TMEM177: variants seen among roughly 807,000 people sequenced by gnomAD.
TMEM177 encodes transmembrane protein 177.
In TMEM177, 4 loss-of-function variants were observed where a neutral mutation model predicts 14.2. The ratio of observed to expected loss-of-function variants is 0.28; its 90% CI spans 0.14 to 0.64. TMEM177 has a LOEUF of 0.64. Among genes scored for constraint, TMEM177 ranks in the 30% least tolerant of loss-of-function variants. The pLI, the probability that TMEM177 is intolerant of heterozygous loss-of-function variation, is 0.82. For missense variants in TMEM177, 344 were observed against 405.2 expected (o/e 0.85, Z 1.30); for synonymous variants, 179 against 174.5 (o/e 1.03, Z -0.20).
chr2:119,713,750 C>T, the TMEM177 span, among the ~76,000 whole-genome samples: 2 of 152,194 alleles, frequency 1.3e-5, no homozygotes, highest in Non-Finnish European at 2.9e-5. Flanking sequence ...GAGAGGATCA[C>T]TTGAGCCCAG....
chr2:119,682,126 GT>G (rs34879718), downstream of TMEM177: 6,661 of 141,850 alleles, frequency 0.047, 228 homozygotes, highest in African/African-American at 0.13. Flanking sequence ...CTTCTTGGTC[GT>G]TTTTTTTTTT....
the TMEM177 span, among the ~76,000 whole-genome samples, chr2:119,697,405 A>AC: frequency 5.3e-5 from 8 of 152,172 alleles, no homozygotes; most frequent in Non-Finnish European, 7.3e-5. Flanking sequence ...TACTAAAAAT[A>AC]TAAAAATTAC....
chr2:119,711,851 G>A, the TMEM177 span, among the ~76,000 whole-genome samples: 12 of 152,120 alleles, frequency 7.9e-5, no homozygotes, highest in South Asian at 2.1e-4. Flanking sequence ...GTCCTGGGGT[G>A]GGAAAGGAGC....
At chr2:119,702,797 T>G in the TMEM177 span, among the ~76,000 whole-genome samples, 1 of 152,108 alleles carries the variant, frequency 6.6e-6, no homozygotes, top group East Asian at 1.9e-4. Flanking sequence ...GTTCTTGATA[T>G]GTATGCCGAT....
downstream of TMEM177, among the ~76,000 whole-genome samples, chr2:119,689,060 C>T (rs183900590): frequency 1.3e-5 from 2 of 152,202 alleles, no homozygotes; most frequent in Non-Finnish European, 1.5e-5. Flanking sequence ...CCATCCTCCC[C>T]ACTCCTCCAC....
the TMEM177 span, among the ~76,000 whole-genome samples, chr2:119,721,337 T>A: frequency 6.6e-6 from 1 of 152,212 alleles, no homozygotes; most frequent in Non-Finnish European, 1.5e-5. Flanking sequence ...ATGAACACAC[T>A]GATGCACTGG....
At chr2:119,703,680 A>G in the TMEM177 span, among the ~76,000 whole-genome samples, 1 of 151,524 alleles carries the variant, frequency 6.6e-6, no homozygotes, top group African/African-American at 2.4e-5. Flanking sequence ...GATCACCCCG[A>G]CTCCCTTCCC....
At chr2:119,708,229 A>T in the TMEM177 span, among the ~76,000 whole-genome samples, 1 of 152,168 alleles carries the variant, frequency 6.6e-6, no homozygotes, top group Non-Finnish European at 1.5e-5. Flanking sequence ...TACAAACCAT[A>T]CAAGAAATAC....
rs771251548 is a variant in TMEM177, at chr2:119,681,564, C to G, written c.711C>G (p.Ser237=). The G allele has an allele frequency of 1.2e-6, 2 of 1,614,198 alleles. No individual in the cohort carries two copies. Among genetic ancestry groups the G allele is most frequent in the Non-Finnish European group, 1.7e-6 (2 of 1,180,006 alleles). The stretch of plus-strand genomic sequence containing the variant: ...CCTGGCTGGACCGCCGCACGGCCTC[C>G]CTCTCTGCAGCCTATGCCTGTGGTG... ...VESWLDRRTA[S]LSAAYACGGV... is the part of the protein sequence containing the mutation. The change falls in exon 2 of 2, where the codon TCC becomes TCG. Residue 237 remains serine, a synonymous_variant. Transcript: ENST00000272521.
downstream of TMEM177, among the ~76,000 whole-genome samples, chr2:119,684,876 C>G (rs17661193): frequency 0.14 from 21,675 of 152,202 alleles, 1,596 homozygotes; most frequent in Middle Eastern, 0.19. Context: ...TATTGCGTCC[C>G]TACACACAGG....
the TMEM177 span, among the ~76,000 whole-genome samples, chr2:119,703,679 G>A: frequency 6.6e-6 from 1 of 152,138 alleles, no homozygotes; most frequent in East Asian, 1.9e-4. Flanking sequence ...GGATCACCCC[G>A]ACTCCCTTCC....
the TMEM177 span, chr2:119,698,689 T>G: frequency 6.2e-6 from 1 of 160,876 alleles, no homozygotes; most frequent in Non-Finnish European, 1.4e-5. Flanking sequence ...TTTCCATCTT[T>G]GTGTTCACTT....
At chr2:119,721,737 A>G in the TMEM177 span, among the ~76,000 whole-genome samples, 1 of 152,222 alleles carries the variant, frequency 6.6e-6, no homozygotes, top group African/African-American at 2.4e-5. Flanking sequence ...CAGAAGAGTC[A>G]GCCTCGTCCA....
Position 119,681,498 on chromosome 2 carries a change from C to T in TMEM177, c.645C>T (p.Ala215=). ...TGGCAGCAGTGGCAGGCTTTGTGGC[C>T]TACGCCTTCTCCCAGGATTCTCTCA... ...SLVAAVAGFV[A]YAFSQDSLTH... is the part of the protein sequence containing the mutation. Residue 215 remains alanine (A), a synonymous_variant, in exon 2 of 2, where the codon GCC becomes GCT. Transcript: ENST00000272521. The T allele has an allele frequency of 1.9e-6, 3 of 1,613,738 alleles. No individual in the cohort carries two copies. The highest frequency in any genetic ancestry group is 2.5e-6 in the Non-Finnish European group (3 of 1,180,050).
chr2:119,705,296 C>G, the TMEM177 span, among the ~76,000 whole-genome samples: 1 of 152,170 alleles, frequency 6.6e-6, no homozygotes, highest in Non-Finnish European at 1.5e-5. Context: ...CAGGGACTCA[C>G]AAGGCTGCAA....
At chr2:119,679,388 G>A (rs1688836992) in intron 1 of TMEM177, 112 bp downstream of exon 1, 1 of 152,270 alleles carries the variant, frequency 6.6e-6, no homozygotes, top group South Asian at 2.1e-4. Flanking sequence ...CGGGCTGCAT[G>A]GTACTGTGTT....
chr2:119,696,227 C>A, the TMEM177 span, among the ~76,000 whole-genome samples: 4 of 152,180 alleles, frequency 2.6e-5, no homozygotes, highest in African/African-American at 9.7e-5. Context: ...GGGCAGAGCT[C>A]AGTCCTCAGG....
chr2:119,716,937 G>A, the TMEM177 span, among the ~76,000 whole-genome samples: 1 of 152,320 alleles, frequency 6.6e-6, no homozygotes, highest in African/African-American at 2.4e-5. Flanking sequence ...AGTGAAGGGA[G>A]TTTTGAACGT....
downstream of TMEM177, among the ~76,000 whole-genome samples, chr2:119,689,335 G>A (rs367765259): frequency 3.9e-5 from 6 of 152,152 alleles, no homozygotes; most frequent in African/African-American, 7.2e-5. Flanking sequence ...GTGACAACAC[G>A]TGAGTTCAGT....
Sources: gnomAD v4.1 joint callset for allele counts (sites outside exome capture counted in the v4.1 genomes callset) on GRCh38, gnomAD v4.1.1 for gene constraint, MANE v1.5 for transcripts, NCBI Gene and HGNC (gene_info 2026-07-23, HGNC 2026-07-21) for gene names.